The following DALRD3 variants were observed in gnomAD, a reference collection of about 807,000 sequenced individuals.
DALRD3 encodes DALR anticodon binding domain containing 3.
DALRD3 carries 47 observed loss-of-function variants against 56.7 expected under a neutral mutation model. The ratio of observed to expected loss-of-function variants is 0.83; its 90% CI spans 0.66 to 1.06. The LOEUF (loss-of-function observed/expected upper bound fraction) is 1.06. Ranked by LOEUF, DALRD3 falls within the 50% of genes least tolerant of loss-of-function variation. DALRD3 has a pLI of 0.00. For missense variants in DALRD3, 787 were observed against 724.0 expected (o/e 1.09, Z -1.00); for synonymous variants, 347 against 308.5 (o/e 1.12, Z -1.31).
upstream of DALRD3, chr3:49,019,230 G>A (rs534944805): frequency 5.5e-5 from 9 of 163,462 alleles, no homozygotes; most frequent in South Asian, 1.6e-3. Flanking sequence ...CCGCCACCAC[G>A]CCCGGCTAAT....
At chr3:49,019,908 G>A (rs1336986956), upstream of DALRD3, among the ~76,000 whole-genome samples, 2 of 152,256 alleles carry the variant, frequency 1.3e-5, no homozygotes, top group African/African-American at 4.8e-5. Context: ...ATAGGCCTCA[G>A]TTGGAGTATC....
chr3:49,015,934 A>G, intron 10 of DALRD3, 39 bp downstream of exon 10: 1 of 1,614,234 alleles, frequency 6.2e-7, no homozygotes, highest in Non-Finnish European at 8.5e-7. Flanking sequence ...GCCAGAATAA[A>G]GAATAGAGTG....
Position 49,016,067 on chromosome 3 carries a change from A to G in DALRD3, c.1349T>C (p.Phe450Ser), listed in dbSNP as rs752269336. The change falls in exon 10 of 12, where the codon TTC becomes TCC. Residue 450 changes from phenylalanine (F) to serine (S), a missense_variant. Transcript: ENST00000341949. ...ATCCGGAAAGGGGAGGATACTGTTG[A>G]AGAGCAACAACCACTCACCCTGTTG... ...LHDEGEWLLL[F>S]NSILPFPDLL... The G allele has an allele frequency of 7.5e-6, 12 of 1,601,764 alleles. No individual in the cohort carries two copies. The highest frequency in any genetic ancestry group is 9.4e-6 in the Non-Finnish European group (11 of 1,171,746).
rs1423038900 is a variant in DALRD3 at position 49,018,155 on chromosome 3, G to A, written c.329C>T (p.Ser110Leu). The change falls in exon 2 of 12, where the codon TCG becomes TTG. Residue 110 changes from serine (S) to leucine (L), a missense_variant. Ser to Leu is a moderately radical substitution (Grantham distance 145, BLOSUM62 -2). Coordinates refer to ENST00000341949, the MANE Select transcript of DALRD3 (RefSeq NM_001009996.3). ...GACGCGCTGGCCCAGCGAGGCAGGC[G>A]AGGCGGGCGTGGCATAGGCGGCCAC... ...SAVAAYATPA[S>L]PASLGQRVLL... is the part of the protein sequence containing the mutation. The A allele has an allele frequency of 6.9e-7, 1 of 1,455,412 alleles. No homozygotes were observed. The highest frequency in any genetic ancestry group is 9.0e-7 in the Non-Finnish European group (1 of 1,114,968). The allele number at this position is 1,455,412 out of a possible 1,614,324, so 90.2% of individuals were successfully genotyped here. A position where few individuals can be genotyped will look rare whatever the true frequency, so the allele number is the denominator to read the frequency against.
chr3:49,018,345 G>C (rs972105212), intron 1 of DALRD3, 27 bp from the exon 2 acceptor site: 10 of 1,499,262 alleles, frequency 6.7e-6, no homozygotes, highest in African/African-American at 1.4e-5. Context: ...GTGTAAAAGA[G>C]CCACGGCACG....
rs954588524 is a variant in DALRD3, at chr3:49,016,159, T to A, written c.1328A>T (p.Glu443Val). 1 of 1,613,862 alleles carries A rather than the reference T, an allele frequency of 6.2e-7. No individual in the cohort carries two copies. Among genetic ancestry groups the A allele is most frequent in the Non-Finnish European group, 8.5e-7 (1 of 1,179,790 alleles). The change falls in exon 9 of 12, where the codon GAG (glutamate) becomes GTG (valine). Residue 443 changes from glutamate to valine, a missense_variant and splice_region_variant. Coordinates refer to ENST00000341949, the MANE Select transcript of DALRD3 (RefSeq NM_001009996.3). Reference sequence around the variant, plus strand: ...CCAGCTACCAGGAGGGACACTCACCTCATCATGTAGCAGTGAGAAGTCCAG... The same window carrying A: ...CCAGCTACCAGGAGGGACACTCACCACATCATGTAGCAGTGAGAAGTCCAG... ...SSLDFSLLHD[E>V]GEWLLLFNSI...
At chr3:49,019,389 A>C (rs1216971213), upstream of DALRD3, among the ~76,000 whole-genome samples, 1 of 152,014 alleles carries the variant, frequency 6.6e-6, no homozygotes, top group Non-Finnish European at 1.5e-5. Context: ...CTTTATGCCC[A>C]ATAAATAAGC....
chr3:49,015,720 G>A lies in DALRD3; in HGVS notation c.1513-13C>T. 9 of 1,614,082 alleles carry A rather than the reference G, an allele frequency of 5.6e-6. No individual in the cohort carries two copies. Among genetic ancestry groups the A allele is most frequent in the Non-Finnish European group, 6.8e-6 (8 of 1,180,016 alleles). ...GTGGTCGAGGCTCCTGAAAGAGAAA[G>A]GGCCTGCTGGTCTCATCCTCTGCTT... On this transcript the variant is annotated splice_polypyrimidine_tract_variant and intron_variant, in intron 11 of 11. Transcript: ENST00000341949.
rs1348743970 is a variant in DALRD3, at chr3:49,018,410, T to C, written c.155A>G (p.Asp52Gly). 1.3e-6 allele frequency: 2 copies of C among 1,571,906 alleles called. No individual in the cohort carries two copies. The highest frequency in any genetic ancestry group is 1.7e-6 in the Non-Finnish European group (2 of 1,160,606). The change falls in exon 1 of 12, where the codon GAT becomes GGT. Residue 52 changes from aspartate (D) to glycine (G), a missense_variant. Transcript: ENST00000341949. ...CCGGCTCACGCCCACCTGGCCGTCA[T>C]CGAAGCGCGCCTGCAGCGCGCGGTG... ...APHRALQARF[D>G]DGQVPEHLLH...
At position 49,015,885 on chromosome 3, in the gene DALRD3, A is replaced by C. The variant is rs757396708; in HGVS notation, c.1444-13T>G. The C allele has an allele frequency of 1.1e-5, 17 of 1,614,064 alleles. No homozygotes were observed. Among genetic ancestry groups the C allele is most frequent in the Non-Finnish European group, 1.2e-5 (14 of 1,180,040 alleles). On this transcript the variant is annotated splice_polypyrimidine_tract_variant and intron_variant, in intron 10 of 11. Transcript: ENST00000341949. The stretch of plus-strand genomic sequence containing the variant: ...GGAACTTGCATATCTAGAGACAGAG[A>C]CTGAGTCACTGGCCCATCTCTTTGC...
Position 49,016,884 on chromosome 3 carries a change from G to A in DALRD3, c.928-37C>T, listed in dbSNP as rs761555062. The A allele has an allele frequency of 8.1e-6, 13 of 1,612,552 alleles. No homozygotes were observed. In the East Asian group the frequency reaches 1.6e-4, roughly 19 times the overall value. ...ATGTCAGGGGCTCAGCCTAGTTGGC[G>A]CTACTCTCCAGGAAGTCCCTTGAGG... On this transcript the variant is annotated intron_variant, in intron 5 of 11. Coordinates refer to ENST00000341949, the MANE Select transcript of DALRD3 (RefSeq NM_001009996.3).
chr3:49,018,579 G>A lies in DALRD3; in HGVS notation c.-15C>T. 1.9e-6 allele frequency: 3 copies of A among 1,545,190 alleles called. No individual in the cohort carries two copies. The highest frequency in any genetic ancestry group is 1.7e-6 in the Non-Finnish European group (2 of 1,148,660). ...CTGGTCGCCATGGTGACCGGAAGGA[G>A]TAAGCGGAACCGGAAAAAAATTTAG... On this transcript the variant is annotated 5_prime_UTR_variant, in exon 1 of 12. Transcript: ENST00000341949.
chr3:49,017,094 C>T (rs961451745), intron 5 of DALRD3, 134 bp downstream of exon 5: 14 of 1,268,774 alleles, frequency 1.1e-5, no homozygotes, highest in African/African-American at 1.5e-5. Context: ...CTGTACATGC[C>T]CTCTCAAGTC....
In DALRD3 at chr3:49,018,265, G is replaced by C. The variant is rs1052746715; in HGVS notation, c.219C>G (p.Ala73=). ...ALACLQGPGV[A]PVLRCAPTPA... is the part of the protein sequence containing the mutation. ...GGGTCGGCGCGCAGCGCAGCACCGG[G>C]GCCACACCGGGGCCCTGCAGGCAGG... The change falls in exon 2 of 12, where the codon GCC becomes GCG. Residue 73 remains alanine, a synonymous_variant. Transcript: ENST00000341949. 3 of 1,443,040 alleles carry C rather than the reference G, an allele frequency of 2.1e-6. No individual in the cohort carries two copies. The highest frequency in any genetic ancestry group is 2.7e-6 in the Non-Finnish European group (3 of 1,106,850). 89.4% of individuals were successfully genotyped at this position (1,443,040 alleles called of 1,614,324 possible).
At chr3:49,019,736 A>G (rs867039136), upstream of DALRD3, among the ~76,000 whole-genome samples, 1 of 152,124 alleles carries the variant, frequency 6.6e-6, no homozygotes, top group Non-Finnish European at 1.5e-5. Context: ...CGGCCTCCCA[A>G]AGTGCTGGGA....
chr3:49,020,239 C>T (rs1406287627), upstream of DALRD3: 2 of 534,474 alleles, frequency 3.7e-6, no homozygotes, highest in Non-Finnish European at 3.8e-6. Flanking sequence ...GCTTTCCATT[C>T]TGAAGGTGCA....
chr3:49,020,712 G>A (rs2093147729), upstream of DALRD3: 2 of 480,854 alleles, frequency 4.2e-6, no homozygotes, highest in South Asian at 1.5e-5. Flanking sequence ...TCCAGCCGTT[G>A]GCGGGGGGCG....
chr3:49,017,086 G>A (rs2093092093), intron 5 of DALRD3, 142 bp downstream of exon 5: 3 of 1,211,684 alleles, frequency 2.5e-6, no homozygotes, highest in African/African-American at 1.5e-5. Context: ...TGCACCTGCT[G>A]TACATGCCCT....
intron 11 of DALRD3, 23 bp from the exon 12 acceptor site, chr3:49,015,730 G>T (rs1278331794): frequency 1.2e-6 from 2 of 1,614,052 alleles, no homozygotes; most frequent in African/African-American, 1.3e-5. Context: ...GGGCCTGCTG[G>T]TCTCATCCTC....
Sources: allele counts gnomAD v4.1 joint callset (sites outside exome capture counted in the v4.1 genomes callset), GRCh38; gene constraint gnomAD v4.1.1; transcripts MANE v1.5; gene names NCBI Gene and HGNC (gene_info 2026-07-23, HGNC 2026-07-21).